PCDHGB2: variants seen among roughly 807,000 people sequenced by gnomAD.
PCDHGB2 encodes protocadherin gamma-B2.
A neutral mutation model predicts 59.3 loss-of-function variants in PCDHGB2; 55 were observed. The observed-to-expected ratio is 0.93, with a 90% CI of 0.75 to 1.16. The LOEUF (loss-of-function observed/expected upper bound fraction) is 1.16, where lower values mean the gene tolerates loss of function less well. PCDHGB2 is among the 50% of genes most tolerant of loss of function. PCDHGB2 has a pLI of 0.00. For synonymous variants in PCDHGB2, 516 were observed against 512.0 expected (o/e 1.01, Z -0.11); for missense variants, 1,228 against 1,198.5 (o/e 1.02, Z -0.36).
intron 1 of PCDHGB2, among the ~76,000 whole-genome samples, chr5:141,381,826 C>CTTCTTTTTT (rs1777532522): frequency 2.2e-4 from 16 of 74,296 alleles, no homozygotes; most frequent in African/African-American, 9.3e-4. Context: ...CTTTCTTCTT[C>CTTCTTTTTT]TTTTTTTTTT....
At chr5:141,410,302 A>G (rs1332359508) in intron 1 of PCDHGB2, 1 of 1,613,356 alleles carries the variant, frequency 6.2e-7, no homozygotes, top group Non-Finnish European at 8.5e-7. Context: ...CCTTAATCTC[A>G]GTGCTCTTCC....
chr5:141,410,849 C>CTTTTTTTTTGTTTTTTTT (rs2095433801), intron 1 of PCDHGB2: 1 of 129,786 alleles, frequency 7.7e-6, no homozygotes, highest in African/African-American at 6.0e-5. Context: ...TTGTCTTTGT[C>CTTTTTTTTTGTTTTTTTT]TTTTTTTTTT....
chr5:141,382,825 G>C, intron 1 of PCDHGB2: 1 of 1,337,416 alleles, frequency 7.5e-7, no homozygotes, highest in Non-Finnish European at 1.0e-6. Flanking sequence ...CTAAGACAGA[G>C]GGGTCCACCC....
In PCDHGB2 at chr5:141,361,057, G is replaced by T. The variant is rs768644219; in HGVS notation, c.922G>T (p.Asp308Tyr). ...TGEITTKDDL[D>Y]FEIASSYTLS... ...AGAAATCACGACAAAGGATGATTTGGATTTTGAGATTGCAAGTAGTTACAC... is the reference window on the plus strand; with the variant it reads ...AGAAATCACGACAAAGGATGATTTGTATTTTGAGATTGCAAGTAGTTACAC... The change falls in exon 1 of 4, where the codon GAT becomes TAT. Residue 308 changes from aspartate to tyrosine, a missense_variant. This residue lies in a region of PCDHGB2 where 781 missense variants were observed against 721.6 expected (regional missense o/e 1.08). Coordinates refer to ENST00000522605, the MANE Select transcript of PCDHGB2 (RefSeq NM_018923.3). The T allele has an allele frequency of 1.2e-6, 2 of 1,613,830 alleles. No individual in the cohort carries two copies. The highest frequency in any genetic ancestry group is 1.7e-6 in the Non-Finnish European group (2 of 1,179,800).
At chr5:141,373,796 CCT>C (rs1278238672) in intron 1 of PCDHGB2, 9 of 310,398 alleles carry the variant, frequency 2.9e-5, no homozygotes, top group African/African-American at 1.3e-4. Flanking sequence ...GAAATAAAAT[CCT>C]CTGTGTGATA....
intron 1 of PCDHGB2, chr5:141,411,661 C>T (rs2095505180): frequency 6.6e-6 from 1 of 150,762 alleles, no homozygotes; most frequent in African/African-American, 2.4e-5. Context: ...GGTGGAGAAT[C>T]TCTTGAGCGC....
intron 1 of PCDHGB2, chr5:141,382,817 A>G (rs1778464992): frequency 3.9e-6 from 5 of 1,269,918 alleles, no homozygotes; most frequent in Non-Finnish European, 4.4e-6. Flanking sequence ...TCCCCTTCCT[A>G]AGACAGAGGG....
intron 1 of PCDHGB2, chr5:141,385,365 G>C: frequency 6.5e-7 from 1 of 1,539,374 alleles, no homozygotes; most frequent in Non-Finnish European, 8.7e-7. Flanking sequence ...GAATTTATTT[G>C]CATGATATTT....
At position 141,415,266 on chromosome 5, in the gene PCDHGB2, G is replaced by C. The variant is rs371754316; in HGVS notation, c.2421+52710G>C. 49 of 1,614,100 alleles carry C rather than the reference G, an allele frequency of 3.0e-5. No individual in the cohort carries two copies. The African/African-American group carries it at 6.4e-4, about 21-fold the overall frequency. On this transcript the variant is annotated intron_variant, in intron 1 of 3. Transcript: ENST00000522605. ...AAACCTCAGACCTCACTCTGTACCT[G>C]GTGGTAGCGGTGGCCGCGGTCTCCT...
intron 1 of PCDHGB2, chr5:141,391,745 C>T (rs1371260062): frequency 6.6e-6 from 1 of 152,116 alleles, no homozygotes; most frequent in African/African-American, 2.4e-5. Flanking sequence ...CATACTTATC[C>T]TTTGGCTTCT....
Position 141,476,214 on chromosome 5 carries a change from T to C in PCDHGB2, c.2422-18593T>C, listed in dbSNP as rs768153063. 1 of 1,613,974 alleles carries C rather than the reference T, an allele frequency of 6.2e-7. No homozygotes were observed. Among genetic ancestry groups the C allele is most frequent in the African/African-American group, 1.3e-5 (1 of 74,990 alleles). ...GCCTTGAACAAGGCTTCCACGGTCA[T>C]TCACTATGAGATCCCGGAGGAAAGA... On this transcript the variant is annotated intron_variant, in intron 1 of 3. Coordinates refer to ENST00000522605, the MANE Select transcript of PCDHGB2 (RefSeq NM_018923.3). The surrounding 1 kb of genome is among the most constrained non-coding windows in gnomAD (Gnocchi z 7.6).
chr5:141,409,096 A>C, intron 1 of PCDHGB2: 1 of 1,614,074 alleles, frequency 6.2e-7, no homozygotes, highest in African/African-American at 1.3e-5. Context: ...ATGAGAAAAC[A>C]GGTATGATTA....
intron 1 of PCDHGB2, chr5:141,391,235 G>A (rs939140536): frequency 6.6e-6 from 1 of 151,890 alleles, no homozygotes; most frequent in Admixed American, 6.6e-5. Flanking sequence ...CTTTTGCTAG[G>A]TATATCTAAG....
Position 141,476,934 on chromosome 5 carries a change from A to G in PCDHGB2, c.2422-17873A>G, listed in dbSNP as rs199685528. On this transcript the variant is annotated intron_variant, in intron 1 of 3. Transcript: ENST00000522605. The surrounding 1 kb of genome is among the most constrained non-coding windows in gnomAD (Gnocchi z 7.6). ...CAAGTCCTTGCAACGGATCTGGATG[A>G]AGGCCCCAACGGTGAAATTATTTAC... 255 of 1,614,164 alleles carry G rather than the reference A, an allele frequency of 1.6e-4. 3 individuals carry two copies. In the South Asian group the frequency reaches 2.6e-3, roughly 16 times the overall value.
intron 3 of PCDHGB2, among the ~76,000 whole-genome samples, chr5:141,510,354 G>A (rs1311482557): frequency 2.1e-5 from 3 of 146,300 alleles, no homozygotes; most frequent in Non-Finnish European, 4.5e-5. Flanking sequence ...ACTTACTAAC[G>A]GAACTACCGA....
At position 141,361,139 on chromosome 5, in the gene PCDHGB2, T is replaced by G. The variant is rs1305491971; in HGVS notation, c.1004T>G (p.Val335Gly). 2 of 1,613,878 alleles carry G rather than the reference T, an allele frequency of 1.2e-6. No homozygotes were observed. Among genetic ancestry groups the G allele is most frequent in the Non-Finnish European group, 1.7e-6 (2 of 1,179,874 alleles). Residue 335 changes from valine (V) to glycine (G), a missense_variant, in exon 1 of 4, where the codon GTT becomes GGT. Coordinates refer to ENST00000522605, the MANE Select transcript of PCDHGB2 (RefSeq NM_018923.3). ...GDLAAHCSIQVEILDDNDCAP... is the reference protein window; with the variant it reads ...GDLAAHCSIQGEILDDNDCAP... ...CTAGCAGCCCACTGCAGTATCCAAGTTGAAATTCTTGATGACAACGATTGT... is the reference window on the plus strand; with the variant it reads ...CTAGCAGCCCACTGCAGTATCCAAGGTGAAATTCTTGATGACAACGATTGT...
Position 141,366,194 on chromosome 5 carries a change from C to T in PCDHGB2, c.2421+3638C>T, listed in dbSNP as rs559944832. 5.0e-6 allele frequency: 8 copies of T among 1,613,936 alleles called. No homozygotes were observed. In the African/African-American group the frequency reaches 6.7e-5, roughly 13 times the overall value. On this transcript the variant is annotated intron_variant, in intron 1 of 3. Transcript: ENST00000522605. ...GCCAGGACTCTTTGCGGTTGGGCTG[C>T]ACACGGGCGAGGTGCGCACAGCGCG...
rs771356119 is a variant in PCDHGB2 at position 141,385,251 on chromosome 5, C to G, written c.2421+22695C>G. Reference sequence around the variant, plus strand: ...TAGACATGCTCATCAGCCAGGAGAGCTGTGAGAAAAATGATTCTTTGCTAA... The same window carrying G: ...TAGACATGCTCATCAGCCAGGAGAGGTGTGAGAAAAATGATTCTTTGCTAA... On this transcript the variant is annotated intron_variant, in intron 1 of 3. Coordinates refer to ENST00000522605, the MANE Select transcript of PCDHGB2 (RefSeq NM_018923.3). The G allele has an allele frequency of 1.2e-5, 19 of 1,613,660 alleles. No individual in the cohort carries two copies. The Admixed American group carries it at 1.8e-4, about 16-fold the overall frequency.
intron 1 of PCDHGB2, chr5:141,400,270 T>G: frequency 6.2e-7 from 1 of 1,614,058 alleles, no homozygotes; most frequent in Non-Finnish European, 8.5e-7. Flanking sequence ...GCGACGCTCC[T>G]CCAGCCCTGC....
Sources: gnomAD v4.1 joint callset for allele counts (sites outside exome capture counted in the v4.1 genomes callset) on GRCh38, gnomAD v4.1.1 for gene constraint, gnomAD v4.1.1 regional missense constraint, Gnocchi (gnomAD v3.1) non-coding constraint, MANE v1.5 for transcripts, NCBI Gene and HGNC (gene_info 2026-07-23, HGNC 2026-07-21) for gene names.